RELN: variants seen among roughly 807,000 people sequenced by gnomAD.
RELN encodes the protein reelin.
In RELN, 108 loss-of-function variants were observed where a neutral mutation model predicts 427.6. The observed-to-expected ratio is 0.25, with a 90% CI of 0.22 to 0.30. The LOEUF is 0.30. RELN is among the 10% of genes least tolerant of loss of function. The pLI is 1.00. For missense variants in RELN, 3,715 were observed against 4,302.8 expected, an observed-to-expected ratio of 0.86 and a Z score of 3.82; for synonymous variants, 1,524 against 1,513.4, an observed-to-expected ratio of 1.01 and a Z score of -0.16.
chr7:103,828,756 C>T (rs955319), intron 3 of RELN, among the ~76,000 whole-genome samples: 21,091 of 151,770 alleles, frequency 0.14, 1,865 homozygotes, highest in East Asian at 0.36. Context: ...TAAAGTGGCA[C>T]CTCTCATTAT....
At chr7:103,683,771 A>G (rs562646135) in intron 10 of RELN, among the ~76,000 whole-genome samples, 1 of 152,168 alleles carries the variant, frequency 6.6e-6, no homozygotes, top group South Asian at 2.1e-4. Flanking sequence ...TAATAGACTG[A>G]CATATTACCA....
At chr7:103,709,577 G>C (rs1371381976) in intron 8 of RELN, among the ~76,000 whole-genome samples, 1 of 152,162 alleles carries the variant, frequency 6.6e-6, no homozygotes, top group East Asian at 1.9e-4. Context: ...TACTTGTGAA[G>C]GGCCCAGGCA....
At chr7:103,692,725 G>A (rs1169953014) in intron 10 of RELN, among the ~76,000 whole-genome samples, 1 of 152,060 alleles carries the variant, frequency 6.6e-6, no homozygotes, top group African/African-American at 2.4e-5. Flanking sequence ...AAAGAGGGCA[G>A]GGATAAAGGA....
At chr7:103,650,121 T>G (rs1832882988) in intron 16 of RELN, among the ~76,000 whole-genome samples, 153 bp downstream of exon 16, 1 of 151,738 alleles carries the variant, frequency 6.6e-6, no homozygotes. Context: ...ATCCCTAGGC[T>G]TCTAACAGAA....
intron 64 of RELN, among the ~76,000 whole-genome samples, chr7:103,476,448 C>A (rs1288545386): frequency 6.6e-6 from 1 of 152,046 alleles, no homozygotes; most frequent in Admixed American, 6.5e-5. Flanking sequence ...CCACTGCACT[C>A]CAGCCTGGGG....
chr7:103,604,536 A>G, intron 22 of RELN, 53 bp from the exon 23 acceptor site: 3 of 1,597,392 alleles, frequency 1.9e-6, no homozygotes, highest in South Asian at 1.1e-5. Context: ...CAGCAGTGAC[A>G]TTGGCAAAGA....
At chr7:103,552,238 C>T (rs76942746) in intron 40 of RELN, among the ~76,000 whole-genome samples, 2,777 of 152,176 alleles carry the variant, frequency 0.018, 93 homozygotes, top group African/African-American at 0.064. Context: ...TATATAAATG[C>T]ACGCAATTCT....
At position 103,812,366 on chromosome 7, in the gene RELN, C is replaced by T. The variant is rs557772203; in HGVS notation, c.473+21171G>A. On this transcript the variant is annotated intron_variant, in intron 3 of 64. Transcript: ENST00000428762. ...GTCACATATTGGGCTGTCCTGCCCC[C>T]TCAACTCAGAATCCTGCTTTTTGCC... 1.2e-4 allele frequency among the ~76,000 whole-genome samples: 18 copies of T among 152,248 alleles called. No individual in the cohort carries two copies. In the South Asian group the frequency reaches 2.3e-3, roughly 19 times the overall value.
At chr7:103,577,747 A>C (rs1018581889) in intron 28 of RELN, among the ~76,000 whole-genome samples, 4 of 152,212 alleles carry the variant, frequency 2.6e-5, no homozygotes, top group Non-Finnish European at 5.9e-5. Context: ...GCCGCTTCCA[A>C]AAGATAGACT....
At chr7:103,601,338 A>T (rs1204625382) in intron 24 of RELN, among the ~76,000 whole-genome samples, 1 of 152,216 alleles carries the variant, frequency 6.6e-6, no homozygotes, top group Non-Finnish European at 1.5e-5. Flanking sequence ...ACGGATAGGA[A>T]ATACTGTTAA....
intron 4 of RELN, among the ~76,000 whole-genome samples, chr7:103,755,282 C>T (rs1413872279): frequency 2.6e-5 from 4 of 151,814 alleles, no homozygotes; most frequent in African/African-American, 9.7e-5. Context: ...TCCTGGCTAA[C>T]ACAGTGAAAC....
At chr7:103,943,756 G>T (rs1478038623) in intron 1 of RELN, among the ~76,000 whole-genome samples, 1 of 141,948 alleles carries the variant, frequency 7.0e-6, no homozygotes, top group Non-Finnish European at 1.5e-5. Context: ...GCTGAGGCAG[G>T]AGAATCACTT....
intron 64 of RELN, among the ~76,000 whole-genome samples, chr7:103,474,409 CATT>C (rs1827959339): frequency 6.6e-6 from 1 of 152,004 alleles, no homozygotes; most frequent in Admixed American, 6.6e-5. Context: ...ATCCTGAAGA[CATT>C]ATAGAGAAAA....
chr7:103,833,831 G>A (rs1023407000), intron 2 of RELN, among the ~76,000 whole-genome samples, 159 bp from the exon 3 acceptor site: 10 of 152,128 alleles, frequency 6.6e-5, no homozygotes, highest in Admixed American at 3.9e-4. Flanking sequence ...ATTGCTACAG[G>A]GAAATTAATC....
chr7:103,697,678 A>C (rs10250273), intron 10 of RELN, among the ~76,000 whole-genome samples, 175 bp downstream of exon 10: 1 of 152,024 alleles, frequency 6.6e-6, no homozygotes, highest in African/African-American at 2.4e-5. Flanking sequence ...TGAATGTTTT[A>C]TACTAATGAC....
intron 10 of RELN, 143 bp downstream of exon 10, chr7:103,697,710 G>A: frequency 1.8e-6 from 2 of 1,086,860 alleles, no homozygotes; most frequent in East Asian, 2.6e-5. Flanking sequence ...AAAAGGTAGG[G>A]TAATATAAAT....
chr7:103,673,777 A>G (rs1833447338), intron 11 of RELN, among the ~76,000 whole-genome samples: 1 of 151,994 alleles, frequency 6.6e-6, no homozygotes, highest in South Asian at 2.1e-4. Flanking sequence ...GCTACCAAGG[A>G]AAGTACAATA....
At chr7:103,517,188 T>C (rs1414286689) in intron 49 of RELN, among the ~76,000 whole-genome samples, 1 of 152,086 alleles carries the variant, frequency 6.6e-6, no homozygotes, top group Non-Finnish European at 1.5e-5. Context: ...TTTTTTTTTT[T>C]TGGTATGCTT....
chr7:103,740,215 A>G (rs1475280525), intron 6 of RELN, among the ~76,000 whole-genome samples: 1 of 152,250 alleles, frequency 6.6e-6, no homozygotes, highest in African/African-American at 2.4e-5. Context: ...GAGAATATAA[A>G]GAAATTAGGT....
Sources: gnomAD v4.1 joint callset for allele counts (sites outside exome capture counted in the v4.1 genomes callset) on GRCh38, gnomAD v4.1.1 for gene constraint, MANE v1.5 for transcripts, NCBI Gene and HGNC (gene_info 2026-07-23, HGNC 2026-07-21) for gene names.